The following AKR1C4 variants were observed in gnomAD, a reference collection of about 807,000 sequenced individuals.
The protein encoded by AKR1C4 is aldo-keto reductase family 1 member C4, also known as 3-alpha-HSD1.
Under a neutral mutation model 41.0 loss-of-function variants are expected in AKR1C4, and 44 were observed. That is an observed-to-expected ratio of 1.07 (90% CI 0.84 to 1.38). The LOEUF is 1.38. AKR1C4 is among the 40% of genes most tolerant of loss of function. The pLI is 0.00. For synonymous variants in AKR1C4, 165 were observed against 137.7 expected (o/e 1.20, Z -1.39); for missense variants, 438 against 387.9 (o/e 1.13, Z -1.09).
At position 5,204,447 on chromosome 10, in the gene AKR1C4, T is replaced by G; in HGVS notation, c.323T>G (p.Leu108Arg). 6.2e-7 allele frequency: 1 copy of G among 1,613,954 alleles called. No individual in the cohort carries two copies. The highest frequency in any genetic ancestry group is 1.1e-5 in the South Asian group (1 of 91,080). The change falls in exon 3 of 9, where the codon CTG (leucine) becomes CGG (arginine). Residue 108 changes from leucine to arginine, a missense_variant. Leu to Arg is a moderately radical substitution (Grantham distance 102). Coordinates refer to ENST00000263126, the MANE Select transcript of AKR1C4 (RefSeq NM_001818.5). ...GAAAGCTCACTGAAAAAACTTCAAC[T>G]GGACTATGTTGACCTCTATCTTCTT... ...ALESSLKKLQ[L>R]DYVDLYLLHF...
intron 5 of AKR1C4, among the ~76,000 whole-genome samples, chr10:5,209,243 G>A (rs545364854): frequency 6.6e-6 from 1 of 152,192 alleles, no homozygotes; most frequent in Admixed American, 6.5e-5. Context: ...AAATAAGAGG[G>A]AAAGTTATAT....
intron 1 of AKR1C4, among the ~76,000 whole-genome samples, chr10:5,199,682 G>C (rs1832366656): frequency 6.6e-6 from 1 of 152,088 alleles, no homozygotes; most frequent in African/African-American, 2.4e-5. Flanking sequence ...AGACAGTCCA[G>C]GCTGCTGAGC....
At chr10:5,199,650 G>C (rs1211831589) in intron 1 of AKR1C4, among the ~76,000 whole-genome samples, 2 of 152,122 alleles carry the variant, frequency 1.3e-5, no homozygotes, top group Non-Finnish European at 2.9e-5. Context: ...GAATGACGCT[G>C]AGTTTGGCTG....
chr10:5,204,922 T>TA (rs1832461930), intron 3 of AKR1C4, among the ~76,000 whole-genome samples: 1 of 152,220 alleles, frequency 6.6e-6, no homozygotes, highest in Non-Finnish European at 1.5e-5. Context: ...GGGTGAGTTT[T>TA]AAAAAGGAAA....
intron 8 of AKR1C4, among the ~76,000 whole-genome samples, chr10:5,218,044 G>T (rs1204817647): frequency 6.6e-6 from 1 of 152,092 alleles, no homozygotes; most frequent in Non-Finnish European, 1.5e-5. Context: ...TAGTAAAATA[G>T]AAAATCATGA....
chr10:5,208,320 G>T (rs988705180), intron 5 of AKR1C4, among the ~76,000 whole-genome samples: 4 of 151,468 alleles, frequency 2.6e-5, no homozygotes, highest in Non-Finnish European at 4.4e-5. Context: ...TAAAATTTAT[G>T]TATTTGGTAA....
chr10:5,212,484 A>G (rs1003660406), intron 5 of AKR1C4, 132 bp from the exon 6 acceptor site: 1 of 879,160 alleles, frequency 1.1e-6, no homozygotes, highest in Non-Finnish European at 1.7e-6. Flanking sequence ...CTGTATTTTT[A>G]TAAAATGATT....
chr10:5,216,761 A>C lies in AKR1C4; in HGVS notation c.897A>C (p.Leu299=). Residue 299 remains leucine (L), a synonymous_variant, in exon 8 of 9, where the codon CTA becomes CTC. Coordinates refer to ENST00000263126, the MANE Select transcript of AKR1C4 (RefSeq NM_001818.5). The part of the protein sequence containing the change: ...TSEDMKVLDG[L]NRNYRYVVMD... ...AGGATATGAAAGTTCTAGATGGTCT[A>C]AACAGAAATTATCGATATGTTGTCA... 1 of 1,612,384 alleles carries C rather than the reference A, an allele frequency of 6.2e-7. No individual in the cohort carries two copies. Among genetic ancestry groups the C allele is most frequent in the South Asian group, 1.1e-5 (1 of 90,702 alleles).
intron 3 of AKR1C4, chr10:5,204,751 G>GT: frequency 1.8e-6 from 1 of 547,158 alleles, no homozygotes; most frequent in Non-Finnish European, 3.4e-6. Flanking sequence ...TCAAGGCTCT[G>GT]TCTTAATTAG....
intron 6 of AKR1C4, 87 bp downstream of exon 6, chr10:5,212,812 C>A: frequency 6.8e-7 from 1 of 1,460,338 alleles, no homozygotes; most frequent in Non-Finnish European, 9.4e-7. Flanking sequence ...AGAGTTCATT[C>A]TCAATGGGTC....
chr10:5,205,929 G>T (rs376485622), intron 4 of AKR1C4, 95 bp downstream of exon 4: 1 of 1,275,294 alleles, frequency 7.8e-7, no homozygotes. Flanking sequence ...ATGCACCATT[G>T]GAACTAGAAA....
In AKR1C4 at chr10:5,204,496, A is replaced by T; in HGVS notation, c.369+3A>T. The stretch of plus-strand genomic sequence containing the variant: ...TTCATTTCCCAATGGCTCTCAAGGT[A>T]GGGAATTTGTGAGATCAACTTCTCT... On this transcript the variant is annotated splice_donor_region_variant and intron_variant, in intron 3 of 8. Coordinates refer to ENST00000263126, the MANE Select transcript of AKR1C4 (RefSeq NM_001818.5). 1 of 1,598,306 alleles carries T rather than the reference A, an allele frequency of 6.3e-7. No homozygotes were observed. The highest frequency in any genetic ancestry group is 8.6e-7 in the Non-Finnish European group (1 of 1,165,814).
intron 2 of AKR1C4, among the ~76,000 whole-genome samples, chr10:5,202,069 T>C (rs1386188167): frequency 6.6e-6 from 1 of 152,190 alleles, no homozygotes; most frequent in Admixed American, 6.5e-5. Context: ...TTGCTTAGTA[T>C]TGCCTTGGCT....
intron 5 of AKR1C4, among the ~76,000 whole-genome samples, chr10:5,206,930 G>A (rs1435224082): frequency 1.3e-5 from 2 of 152,156 alleles, no homozygotes; most frequent in Admixed American, 6.5e-5. Context: ...AACAATGAAA[G>A]TCATCCAGGT....
At chr10:5,205,518 C>A (rs1832470286) in intron 3 of AKR1C4, among the ~76,000 whole-genome samples, 1 of 152,104 alleles carries the variant, frequency 6.6e-6, no homozygotes, top group African/African-American at 2.4e-5. Context: ...CGACTGTGAA[C>A]CCCCATTAAA....
rs1444324322 is a variant in AKR1C4, at chr10:5,211,859, G to A, written c.571-757G>A. On this transcript the variant is annotated intron_variant, in intron 5 of 8. Transcript: ENST00000263126. ...CCTCACAATCATGGCAGAAGGCAAAGAGGAGCAAGTCATGTCTTACATGGA... is the reference window on the plus strand; with the variant it reads ...CCTCACAATCATGGCAGAAGGCAAAAAGGAGCAAGTCATGTCTTACATGGA... Among the ~76,000 whole-genome samples, 3 of 152,176 alleles carry A rather than the reference G, an allele frequency of 2.0e-5. No homozygotes were observed. In the East Asian group the frequency reaches 5.8e-4, roughly 29 times the overall value.
At position 5,218,925 on chromosome 10, in the gene AKR1C4, A is replaced by G. The variant is rs1832697223; in HGVS notation, c.*165A>G. Reference sequence around the variant, plus strand: ...TATATCCATGGTCCAGAAAGCAAACATAATAAATTTTTATCTTGAAGTAAT... The same window carrying G: ...TATATCCATGGTCCAGAAAGCAAACGTAATAAATTTTTATCTTGAAGTAAT... On this transcript the variant is annotated 3_prime_UTR_variant, in exon 9 of 9. Transcript: ENST00000263126. 7.6e-6 allele frequency: 4 copies of G among 529,504 alleles called. No homozygotes were observed. Among genetic ancestry groups the G allele is most frequent in the Non-Finnish European group, 1.3e-5 (4 of 300,044 alleles). The allele number at this position is 529,504 out of a possible 1,614,324, so 32.8% of individuals were successfully genotyped here.
At chr10:5,205,026 A>G (rs1239108351) in intron 3 of AKR1C4, among the ~76,000 whole-genome samples, 4 of 152,366 alleles carry the variant, frequency 2.6e-5, no homozygotes, top group Admixed American at 2.0e-4. Context: ...TCGGTTGTGC[A>G]TAACTTTTAA....
rs1350632183 is a variant in AKR1C4 at position 5,216,738 on chromosome 10, G to T, written c.874G>T (p.Asp292Tyr). ...TTTTGAATTCCAGTTGACATCAGAG[G>T]ATATGAAAGTTCTAGATGGTCTAAA... ...QVFEFQLTSE[D>Y]MKVLDGLNRN... The change falls in exon 8 of 9, where the codon GAT becomes TAT. Residue 292 changes from aspartate (D) to tyrosine (Y), a missense_variant. By Grantham distance (160) the Asp-to-Tyr change is radical. Transcript: ENST00000263126. The T allele has an allele frequency of 1.9e-6, 3 of 1,612,128 alleles. No individual in the cohort carries two copies. Among genetic ancestry groups the T allele is most frequent in the East Asian group, 2.2e-5 (1 of 44,858 alleles).
Sources: gnomAD v4.1 joint callset for allele counts (sites outside exome capture counted in the v4.1 genomes callset) on GRCh38, gnomAD v4.1.1 for gene constraint, MANE v1.5 for transcripts, NCBI Gene and HGNC (gene_info 2026-07-23, HGNC 2026-07-21) for gene names.